UHRF2: variants seen among roughly 807,000 people sequenced by gnomAD.
The protein encoded by UHRF2 is ubiquitin like with PHD and ring finger domains 2.
UHRF2 carries 23 observed loss-of-function variants against 96.8 expected under a neutral mutation model. The observed-to-expected ratio is 0.24, with a 90% CI of 0.17 to 0.34. The LOEUF (loss-of-function observed/expected upper bound fraction) is 0.34, where lower values mean the gene tolerates loss of function less well. Among genes scored for constraint, UHRF2 ranks in the 10% least tolerant of loss-of-function variants. The pLI, the probability that UHRF2 is intolerant of heterozygous loss-of-function variation, is 1.00. For missense variants in UHRF2, 685 were observed against 981.5 expected (o/e 0.70, Z 4.04); for synonymous variants, 385 against 332.6 (o/e 1.16, Z -1.72).
intron 6 of UHRF2, among the ~76,000 whole-genome samples, chr9:6,480,086 C>T (rs769194486): frequency 6.6e-6 from 1 of 152,198 alleles, no homozygotes; most frequent in African/African-American, 2.4e-5. Context: ...TCTCTAACTT[C>T]GGTTGCTTAT....
intron 8 of UHRF2, among the ~76,000 whole-genome samples, chr9:6,485,466 A>C (rs1824209614): frequency 6.6e-6 from 1 of 152,026 alleles, no homozygotes; most frequent in South Asian, 2.1e-4. Flanking sequence ...ATTTAGGAAA[A>C]ACAGATTATT....
At chr9:6,455,354 G>T (rs1191740933) in intron 3 of UHRF2, among the ~76,000 whole-genome samples, 6 of 152,076 alleles carry the variant, frequency 3.9e-5, no homozygotes, top group Non-Finnish European at 8.8e-5. Context: ...TGTTGTCATT[G>T]TTCAATTCCC....
chr9:6,463,657 G>T (rs1049334252), intron 4 of UHRF2, among the ~76,000 whole-genome samples: 2 of 152,026 alleles, frequency 1.3e-5, no homozygotes, highest in Non-Finnish European at 2.9e-5. Flanking sequence ...TTTTAGTAGA[G>T]ACAGGGTTTC....
chr9:6,414,151 C>T (rs1436058893), intron 1 of UHRF2: 2 of 151,800 alleles, frequency 1.3e-5, no homozygotes, highest in Non-Finnish European at 3.0e-5. Context: ...AGAACCCTAA[C>T]TCTGCTTCCT....
intron 9 of UHRF2, among the ~76,000 whole-genome samples, chr9:6,487,660 C>G (rs1235876041): frequency 4.6e-5 from 7 of 152,212 alleles, no homozygotes; most frequent in African/African-American, 1.7e-4. Context: ...AGCCACCACA[C>G]CTGGTCAATT....
At chr9:6,457,234 G>A (rs1222240926) in intron 3 of UHRF2, among the ~76,000 whole-genome samples, 1 of 152,128 alleles carries the variant, frequency 6.6e-6, no homozygotes, top group Non-Finnish European at 1.5e-5. Flanking sequence ...TCCCTTGTGA[G>A]TTGTATTCCT....
In UHRF2 at chr9:6,417,290, C is replaced by G. The variant is rs567266167; in HGVS notation, c.154-3622C>G. Among the ~76,000 whole-genome samples the G allele has an allele frequency of 2.6e-5, 4 of 152,288 alleles. No individual in the cohort carries two copies. In the East Asian group the frequency reaches 7.7e-4, roughly 29 times the overall value. ...GAGTGGTCTGACAAAAAATCCTAAC[C>G]ATTTTTGCTTCTTAAGTATTGTAAA... On this transcript the variant is annotated intron_variant, in intron 1 of 15. Coordinates refer to ENST00000276893, the MANE Select transcript of UHRF2 (RefSeq NM_152896.3).
chr9:6,441,389 GAAAA>G (rs201426021), intron 3 of UHRF2, among the ~76,000 whole-genome samples: 2 of 137,938 alleles, frequency 1.4e-5, no homozygotes, highest in Non-Finnish European at 3.2e-5. Flanking sequence ...CTCCCAAAAA[GAAAA>G]AAAAAAAAGC....
intron 12 of UHRF2, chr9:6,498,588 C>G (rs1164244636): frequency 6.5e-6 from 1 of 154,776 alleles, no homozygotes; most frequent in East Asian, 1.9e-4. Context: ...TTCCTCACCC[C>G]TTTTCTCTCT....
rs571324847 is a variant in UHRF2, at chr9:6,491,414, A to G, written c.1498-2412A>G. On this transcript the variant is annotated intron_variant, in intron 9 of 15. Transcript: ENST00000276893. ...ACACCACCTAACCCACCAGTAGTAG[A>G]TGTGTGTTACACTAGCAGTGGTACA... Among the ~76,000 whole-genome samples the G allele has an allele frequency of 8.5e-5, 13 of 152,338 alleles. No homozygotes were observed. In the South Asian group the frequency reaches 2.7e-3, roughly 32 times the overall value.
At chr9:6,460,825 C>A in intron 4 of UHRF2, 34 bp downstream of exon 4, 1 of 1,562,406 alleles carries the variant, frequency 6.4e-7, no homozygotes, top group Non-Finnish European at 8.7e-7. Context: ...ATTTAATTAA[C>A]TGAATTGATC....
At chr9:6,461,910 T>C (rs1011458702) in intron 4 of UHRF2, among the ~76,000 whole-genome samples, 8 of 152,170 alleles carry the variant, frequency 5.3e-5, no homozygotes, top group African/African-American at 1.9e-4. Context: ...TATGCATTTT[T>C]GTGCATTTCT....
At chr9:6,504,410 GATATGTTC>G in intron 14 of UHRF2, 175 bp from the exon 15 acceptor site, 1 of 411,468 alleles carries the variant, frequency 2.4e-6, no homozygotes, top group Non-Finnish European at 4.4e-6. Context: ...GTGAAATTTT[GATATGTTC>G]ATATAACATA....
chr9:6,443,591 C>G (rs73642520), intron 3 of UHRF2, among the ~76,000 whole-genome samples: 8 of 152,148 alleles, frequency 5.3e-5, no homozygotes, highest in Non-Finnish European at 1.2e-4. Context: ...AGTCAGAATG[C>G]TTTCACAGAA....
At chr9:6,502,774 G>A (rs1331308226) in intron 14 of UHRF2, among the ~76,000 whole-genome samples, 3 of 152,156 alleles carry the variant, frequency 2.0e-5, no homozygotes, top group African/African-American at 2.4e-5. Context: ...GAAGTACCAG[G>A]TTAAATATTG....
At chr9:6,465,327 G>A (rs981615745) in intron 4 of UHRF2, among the ~76,000 whole-genome samples, 8 of 152,128 alleles carry the variant, frequency 5.3e-5, no homozygotes, top group African/African-American at 1.7e-4. Flanking sequence ...ATTTATGCTA[G>A]TTTCACAAAA....
intron 4 of UHRF2, among the ~76,000 whole-genome samples, chr9:6,472,288 A>G (rs1302485515): frequency 6.6e-6 from 1 of 152,224 alleles, no homozygotes; most frequent in Non-Finnish European, 1.5e-5. Context: ...GGGTTTAGGA[A>G]ATTTATCTTA....
At chr9:6,504,797 T>C in intron 15 of UHRF2, 106 bp downstream of exon 15, 2 of 788,170 alleles carry the variant, frequency 2.5e-6, no homozygotes, top group Non-Finnish European at 3.9e-6. Flanking sequence ...GCGGGATAGT[T>C]GCGGAACCTT....
intron 3 of UHRF2, among the ~76,000 whole-genome samples, chr9:6,441,207 A>C (rs452135): frequency 6.6e-6 from 1 of 151,606 alleles, no homozygotes; most frequent in African/African-American, 2.4e-5. Context: ...GGCAAAACCC[A>C]GTCTCTACAA....
Sources: gnomAD v4.1 joint callset for allele counts (sites outside exome capture counted in the v4.1 genomes callset) on GRCh38, gnomAD v4.1.1 for gene constraint, MANE v1.5 for transcripts, NCBI Gene and HGNC (gene_info 2026-07-23, HGNC 2026-07-21) for gene names.